CADPS: variants seen among roughly 807,000 people sequenced by gnomAD.
The protein encoded by CADPS is calcium dependent secretion activator.
A neutral mutation model predicts 167.3 loss-of-function variants in CADPS; 57 were observed. The observed-to-expected ratio is 0.34, with a 90% CI of 0.28 to 0.42. The LOEUF (loss-of-function observed/expected upper bound fraction) is 0.42, where lower values mean the gene tolerates loss of function less well. Ranked by LOEUF, CADPS falls within the 20% of genes least tolerant of loss-of-function variation. The pLI, the probability that CADPS is intolerant of heterozygous loss-of-function variation, is 1.00. For synonymous variants in CADPS, 676 were observed against 635.3 expected (o/e 1.06, Z -0.96); for missense variants, 1,414 against 1,738.1 (o/e 0.81, Z 3.32).
At chr3:62,864,889 T>C (rs1030356349) in intron 1 of CADPS, among the ~76,000 whole-genome samples, 2 of 152,154 alleles carry the variant, frequency 1.3e-5, no homozygotes, top group Non-Finnish European at 2.9e-5. Flanking sequence ...CTCAACCAGA[T>C]TGCTAGGTTC....
chr3:62,525,679 A>ATGTGTGTGTGTGTGTGTG (rs34729200), intron 13 of CADPS, among the ~76,000 whole-genome samples: 2,550 of 148,870 alleles, frequency 0.017, 72 homozygotes, highest in African/African-American at 0.054. Context: ...TAATGTCATT[A>ATGTGTGTGTGTGTGTGTG]TGTGTGTGTG....
At chr3:62,853,623 TAAAAAAAAA>T in intron 1 of CADPS, among the ~76,000 whole-genome samples, 1 of 118,266 alleles carries the variant, frequency 8.5e-6, no homozygotes, top group East Asian at 2.4e-4. Flanking sequence ...AAAACTCCAC[TAAAAAAAAA>T]AAAAAAAGAA....
At chr3:62,735,001 T>A (rs556795164) in intron 3 of CADPS, among the ~76,000 whole-genome samples, 1 of 152,332 alleles carries the variant, frequency 6.6e-6, no homozygotes, top group African/African-American at 2.4e-5. Context: ...ATAACTAAGA[T>A]GCAATTACCT....
intron 26 of CADPS, 149 bp from the exon 27 acceptor site, chr3:62,445,946 G>A (rs2057155845): frequency 6.1e-6 from 3 of 491,562 alleles, no homozygotes; most frequent in East Asian, 3.5e-5. Flanking sequence ...AATAAAATCT[G>A]TTTGCTATTT....
At chr3:62,736,869 T>C (rs1248503793) in intron 3 of CADPS, among the ~76,000 whole-genome samples, 2 of 152,214 alleles carry the variant, frequency 1.3e-5, no homozygotes, top group Non-Finnish European at 2.9e-5. Context: ...CTGGGCACAG[T>C]GGCTCACGCC....
At chr3:62,866,290 T>A (rs2081660694) in intron 1 of CADPS, among the ~76,000 whole-genome samples, 1 of 152,058 alleles carries the variant, frequency 6.6e-6, no homozygotes, top group Admixed American at 6.6e-5. Flanking sequence ...AAAGTAAAAA[T>A]TATAGAGACA....
At chr3:62,811,632 G>T (rs2094399769) in intron 1 of CADPS, among the ~76,000 whole-genome samples, 1 of 152,164 alleles carries the variant, frequency 6.6e-6, no homozygotes, top group Admixed American at 6.6e-5. Flanking sequence ...TTCTCTGACA[G>T]GTGTGCCACC....
intron 8 of CADPS, among the ~76,000 whole-genome samples, chr3:62,573,110 G>A (rs1164592401): frequency 6.6e-6 from 1 of 152,134 alleles, no homozygotes; most frequent in Admixed American, 6.5e-5. Flanking sequence ...TCGAACTCTT[G>A]ACCTCAGGTG....
At chr3:62,560,851 T>C (rs1472939760) in intron 9 of CADPS, among the ~76,000 whole-genome samples, 1 of 151,932 alleles carries the variant, frequency 6.6e-6, no homozygotes, top group Non-Finnish European at 1.5e-5. Context: ...GAGGCTGAGA[T>C]GGGTAGATTA....
rs146471000 is a variant in CADPS at position 62,874,334 on chromosome 3, G to T, written c.441+255C>A. 1.3e-3 allele frequency among the ~76,000 whole-genome samples: 192 copies of T among 152,266 alleles called. No individual in the cohort carries two copies. The highest frequency in any genetic ancestry group is 4.4e-3 in the African/African-American group (184 of 41,576). ...CCTCGCTCACCAACGCTCCCGGGCTGGGGGGGCTCGAGCAAGCGGCGCTGC... is the reference window on the plus strand; with the variant it reads ...CCTCGCTCACCAACGCTCCCGGGCTTGGGGGGCTCGAGCAAGCGGCGCTGC... On this transcript the variant is annotated intron_variant, in intron 1 of 29. Coordinates refer to ENST00000383710, the MANE Select transcript of CADPS (RefSeq NM_003716.4). The surrounding 1 kb of genome is among the most constrained non-coding windows in gnomAD (Gnocchi z 7.1).
chr3:62,779,639 C>T (rs566573484), intron 1 of CADPS: 1 of 531,384 alleles, frequency 1.9e-6, no homozygotes, highest in South Asian at 1.4e-5. Context: ...ATTTTAAAGG[C>T]ATAGGCTGTC....
chr3:62,595,055 G>A (rs927548721), intron 6 of CADPS, among the ~76,000 whole-genome samples: 1 of 152,196 alleles, frequency 6.6e-6, no homozygotes, highest in Admixed American at 6.5e-5. Context: ...ATGGAAACCT[G>A]CATCCTAGTC....
At chr3:62,594,805 T>C (rs1005279643) in intron 6 of CADPS, among the ~76,000 whole-genome samples, 1 of 152,244 alleles carries the variant, frequency 6.6e-6, no homozygotes, top group Non-Finnish European at 1.5e-5. Context: ...ATGCACACTT[T>C]CAAGGCTTGA....
chr3:62,755,127 T>C (rs1472252529), intron 2 of CADPS, among the ~76,000 whole-genome samples: 1 of 152,184 alleles, frequency 6.6e-6, no homozygotes, highest in African/African-American at 2.4e-5. Context: ...AGGGACTTCC[T>C]TTTGGTAGCT....
Position 62,629,764 on chromosome 3 carries a change from T to G in CADPS, c.1325+15958A>C, listed in dbSNP as rs187424793. 5.7e-3 allele frequency among the ~76,000 whole-genome samples: 869 copies of G among 151,982 alleles called. 6 individuals carry two copies. Among genetic ancestry groups the G allele is most frequent in the East Asian group, 0.018 (90 of 5,130 alleles). On this transcript the variant is annotated intron_variant, in intron 6 of 29. Transcript: ENST00000383710. ...CTCACAGACTCTGGTACAGTTTTTT[T>G]TTTGTTTGTTTGTTTGTTTTTTTCC... is the stretch of plus-strand genomic sequence containing the variant.
At chr3:62,717,020 C>G (rs1218809568) in intron 3 of CADPS, among the ~76,000 whole-genome samples, 1 of 152,096 alleles carries the variant, frequency 6.6e-6, no homozygotes, top group Non-Finnish European at 1.5e-5. Context: ...TTCTTGGTGG[C>G]AGGGCAGTTT....
chr3:62,658,579 G>A (rs1423863519), intron 4 of CADPS, among the ~76,000 whole-genome samples: 1 of 152,060 alleles, frequency 6.6e-6, no homozygotes, highest in Non-Finnish European at 1.5e-5. Context: ...TTGTTGGAGG[G>A]TTAGATTCTC....
At chr3:62,844,580 C>G (rs1414549117) in intron 1 of CADPS, among the ~76,000 whole-genome samples, 1 of 152,116 alleles carries the variant, frequency 6.6e-6, no homozygotes, top group Non-Finnish European at 1.5e-5. Flanking sequence ...TGAGGAAAAA[C>G]AAATAATCTA....
In CADPS at chr3:62,516,078, T is replaced by G; in HGVS notation, c.2562A>C (p.Ser854=). 1 of 1,613,068 alleles carries G rather than the reference T, an allele frequency of 6.2e-7. No homozygotes were observed. Among genetic ancestry groups the G allele is most frequent in the Non-Finnish European group, 8.5e-7 (1 of 1,179,246 alleles). The stretch of plus-strand genomic sequence containing the variant: ...CCTTACCTTCGATTTTGGCATACTC[T>G]GAGAGCCGAGAATAGTTGACTAACG... ...QAALVNYSRL[S]EYAKIEENQK... The change falls in exon 16 of 30, where the codon TCA becomes TCC. Residue 854 remains serine (S), a synonymous_variant. Coordinates refer to ENST00000383710, the MANE Select transcript of CADPS (RefSeq NM_003716.4).
Sources: allele counts gnomAD v4.1 joint callset (sites outside exome capture counted in the v4.1 genomes callset), GRCh38; gene constraint gnomAD v4.1.1; non-coding constraint Gnocchi (gnomAD v3.1); transcripts MANE v1.5; gene names NCBI Gene and HGNC (gene_info 2026-07-23, HGNC 2026-07-21).